The following MCCC1 variants were observed in gnomAD, a reference collection of about 807,000 sequenced individuals.
MCCC1 encodes the protein methylcrotonoyl-CoA carboxylase subunit alpha, mitochondrial.
Under a neutral mutation model 83.8 loss-of-function variants are expected in MCCC1, and 64 were observed. That is an observed-to-expected ratio of 0.76 (90% CI 0.62 to 0.94). The LOEUF (loss-of-function observed/expected upper bound fraction) is 0.94. Ranked by LOEUF, MCCC1 falls within the 40% of genes least tolerant of loss-of-function variation. MCCC1 has a pLI of 0.00. For missense variants in MCCC1, 807 were observed against 904.7 expected, an observed-to-expected ratio of 0.89 and a Z score of 1.39; for synonymous variants, 322 against 315.4, an observed-to-expected ratio of 1.02 and a Z score of -0.22.
chr3:183,037,532 C>T (rs752136337), intron 12 of MCCC1, 98 bp from the exon 13 acceptor site: 3 of 1,037,976 alleles, frequency 2.9e-6, no homozygotes, highest in Non-Finnish European at 4.4e-6. Context: ...CTACTGTGAA[C>T]AACTCTTAGG....
chr3:183,025,113 G>A (rs1205423661), intron 15 of MCCC1, among the ~76,000 whole-genome samples: 1 of 152,206 alleles, frequency 6.6e-6, no homozygotes, highest in African/African-American at 2.4e-5. Flanking sequence ...CATAGAGACA[G>A]AGAGTAGAAT....
chr3:183,085,716 C>A (rs990947604), intron 4 of MCCC1, among the ~76,000 whole-genome samples: 2 of 152,042 alleles, frequency 1.3e-5, no homozygotes, highest in Admixed American at 1.3e-4. Context: ...CCACTTTCTT[C>A]CTGTAAGATG....
At chr3:183,050,726 A>G (rs1327032695) in intron 9 of MCCC1, among the ~76,000 whole-genome samples, 1 of 150,746 alleles carries the variant, frequency 6.6e-6, no homozygotes, top group Non-Finnish European at 1.5e-5. Context: ...AAAAAAAAAA[A>G]GAAAGGGAAA....
Position 183,071,228 on chromosome 3 carries a change from G to A in MCCC1, c.621C>T (p.Val207=), listed in dbSNP as rs771856722. The A allele has an allele frequency of 6.2e-7, 1 of 1,614,150 alleles. No homozygotes were observed. Among genetic ancestry groups the A allele is most frequent in the Non-Finnish European group, 8.5e-7 (1 of 1,180,030 alleles). The change falls in exon 6 of 19, where the codon GTC becomes GTT. Residue 207 remains valine, a synonymous_variant. Coordinates refer to ENST00000265594, the MANE Select transcript of MCCC1 (RefSeq NM_020166.5). ...RIGYPVMIKA[V]RGGGGKGMRI... ...ATCTTACTTTTCCTCCTCCACCCCGGACGGCTTTAATCATGACAGGATAGC... is the reference window on the plus strand; with the variant it reads ...ATCTTACTTTTCCTCCTCCACCCCGAACGGCTTTAATCATGACAGGATAGC...
chr3:183,024,764 A>G (rs1047583573), intron 15 of MCCC1, among the ~76,000 whole-genome samples: 1 of 152,192 alleles, frequency 6.6e-6, no homozygotes, highest in African/African-American at 2.4e-5. Flanking sequence ...CAGAATCACT[A>G]TATGATCTAG....
intron 8 of MCCC1, among the ~76,000 whole-genome samples, chr3:183,054,344 C>A (rs1381292462): frequency 1.3e-5 from 2 of 151,954 alleles, no homozygotes; most frequent in East Asian, 3.9e-4. Context: ...TGCCACCATG[C>A]CCGGCTATTT....
intron 7 of MCCC1, among the ~76,000 whole-genome samples, chr3:183,066,996 G>A (rs1016071513): frequency 6.6e-6 from 1 of 152,102 alleles, no homozygotes; most frequent in Non-Finnish European, 1.5e-5. Flanking sequence ...CTTAACTTAC[G>A]GCAATATAGT....
intron 13 of MCCC1, among the ~76,000 whole-genome samples, chr3:183,035,904 G>A (rs896335616): frequency 6.6e-6 from 1 of 151,546 alleles, no homozygotes; most frequent in Non-Finnish European, 1.5e-5. Flanking sequence ...GTATACATGT[G>A]TCATGTTGGT....
At chr3:183,075,787 G>T (rs184571678) in intron 4 of MCCC1, among the ~76,000 whole-genome samples, 2 of 151,636 alleles carry the variant, frequency 1.3e-5, no homozygotes, top group African/African-American at 4.8e-5. Flanking sequence ...TGATCTGCCC[G>T]CCTCGGCCTC....
chr3:183,029,938 C>A (rs1036555236), intron 14 of MCCC1, among the ~76,000 whole-genome samples: 1 of 152,164 alleles, frequency 6.6e-6, no homozygotes, highest in Non-Finnish European at 1.5e-5. Flanking sequence ...GGAGGCCCCA[C>A]CCTCTCAGTC....
intron 7 of MCCC1, among the ~76,000 whole-genome samples, chr3:183,060,352 T>C (rs1283866261): frequency 1.3e-5 from 2 of 152,146 alleles, no homozygotes; most frequent in East Asian, 3.8e-4. Context: ...ATTCTAAACC[T>C]TACCTTTTAC....
At chr3:183,107,540 G>T (rs1450813123) in intron 1 of MCCC1, among the ~76,000 whole-genome samples, 21 of 149,132 alleles carry the variant, frequency 1.4e-4, no homozygotes, top group Admixed American at 4.0e-4. Flanking sequence ...ATTATTTGTT[G>T]TTGTTGTTGT....
chr3:183,026,746 T>G (rs1315554147), intron 14 of MCCC1, among the ~76,000 whole-genome samples: 2 of 152,138 alleles, frequency 1.3e-5, no homozygotes, highest in East Asian at 3.9e-4. Context: ...TAAAGAGAAG[T>G]TTTTGGTTGA....
At chr3:183,054,601 A>G (rs1351527420) in intron 8 of MCCC1, among the ~76,000 whole-genome samples, 1 of 152,222 alleles carries the variant, frequency 6.6e-6, no homozygotes, top group Non-Finnish European at 1.5e-5. Context: ...AAAAAGTTAT[A>G]GCAAGCTAAG....
At chr3:183,110,997 T>C (rs1033725904) in intron 1 of MCCC1, among the ~76,000 whole-genome samples, 4 of 152,230 alleles carry the variant, frequency 2.6e-5, no homozygotes, top group Non-Finnish European at 5.9e-5. Flanking sequence ...CATTGGTCTA[T>C]GCATCTGTTT....
rs1560258743 is a variant in MCCC1 at position 183,072,355 on chromosome 3, T to C, written c.491+11A>G. 7 of 1,613,454 alleles carry C rather than the reference T, an allele frequency of 4.3e-6. No individual in the cohort carries two copies. Among genetic ancestry groups the C allele is most frequent in the Non-Finnish European group, 5.9e-6 (7 of 1,179,520 alleles). Reference sequence around the variant, plus strand: ...TCATACAGTTATATTTTAAAAGATATAAACTCATACCTCTTTATACCCATG... The same window carrying C: ...TCATACAGTTATATTTTAAAAGATACAAACTCATACCTCTTTATACCCATG... On this transcript the variant is annotated intron_variant, in intron 5 of 18. Coordinates refer to ENST00000265594, the MANE Select transcript of MCCC1 (RefSeq NM_020166.5).
At chr3:183,072,083 G>A (rs575121894) in intron 5 of MCCC1, among the ~76,000 whole-genome samples, 34 of 152,152 alleles carry the variant, frequency 2.2e-4, no homozygotes, top group African/African-American at 7.7e-4. Flanking sequence ...GCCCAGGCTG[G>A]TCTTAAACTT....
In MCCC1 at chr3:183,022,418, T is replaced by G. The variant is rs1314102674; in HGVS notation, c.1868A>C (p.Lys623Thr). 1 of 1,613,978 alleles carries G rather than the reference T, an allele frequency of 6.2e-7. No individual in the cohort carries two copies. The highest frequency in any genetic ancestry group is 1.3e-5 in the African/African-American group (1 of 74,932). Residue 623 changes from lysine to threonine, a missense_variant and splice_region_variant, in exon 16 of 19, where the codon AAG (lysine) becomes ACG (threonine). Coordinates refer to ENST00000265594, the MANE Select transcript of MCCC1 (RefSeq NM_020166.5). ...ILENTIYLFSKEGSIEIDIPV... is the reference protein window; with the variant it reads ...ILENTIYLFSTEGSIEIDIPV... Reference sequence around the variant, plus strand: ...GATATTATAAAGAAGAGACATTACCTTGGAAAATAGGTAAATAGTGTTTTC... The same window carrying G: ...GATATTATAAAGAAGAGACATTACCGTGGAAAATAGGTAAATAGTGTTTTC...
chr3:183,075,650 C>T (rs1037960136), intron 4 of MCCC1, among the ~76,000 whole-genome samples: 1 of 151,410 alleles, frequency 6.6e-6, no homozygotes, highest in Non-Finnish European at 1.5e-5. Flanking sequence ...ACGCCATTCT[C>T]CTGCCTCAGC....
Sources: allele counts gnomAD v4.1 joint callset (sites outside exome capture counted in the v4.1 genomes callset), GRCh38; gene constraint gnomAD v4.1.1; transcripts MANE v1.5; gene names NCBI Gene and HGNC (gene_info 2026-07-23, HGNC 2026-07-21).